Variants in FER observed in about 807,000 individuals in gnomAD.
The protein encoded by FER is tyrosine-protein kinase Fer.
FER carries 63 observed loss-of-function variants against 111.0 expected under a neutral mutation model. The observed-to-expected ratio is 0.57, with a 90% CI of 0.46 to 0.70. The LOEUF (loss-of-function observed/expected upper bound fraction) is 0.70. Ranked by LOEUF, FER falls within the 30% of genes least tolerant of loss-of-function variation. The pLI is 0.00. For synonymous variants in FER, 327 were observed against 313.9 expected (o/e 1.04, Z -0.44); for missense variants, 914 against 954.0 (o/e 0.96, Z 0.55).
At chr5:109,178,904 A>G (rs1275834812) in intron 17 of FER, among the ~76,000 whole-genome samples, 2 of 152,222 alleles carry the variant, frequency 1.3e-5, no homozygotes. Context: ...GAATTGCCAT[A>G]TTAATATTCA....
intron 3 of FER, among the ~76,000 whole-genome samples, chr5:108,819,531 T>G (rs918748401): frequency 1.3e-5 from 2 of 152,176 alleles, no homozygotes; most frequent in Admixed American, 1.3e-4. Context: ...GATGAAGGTA[T>G]TTTCTTCATA....
intron 17 of FER, among the ~76,000 whole-genome samples, chr5:109,108,916 C>G (rs1749272447): frequency 6.6e-6 from 1 of 151,950 alleles, no homozygotes; most frequent in Admixed American, 6.6e-5. Context: ...TTACTGGGTT[C>G]TTTGCCCAAT....
chr5:108,949,678 T>C (rs1561664706), intron 11 of FER, among the ~76,000 whole-genome samples: 1 of 152,140 alleles, frequency 6.6e-6, no homozygotes, highest in Non-Finnish European at 1.5e-5. Flanking sequence ...GATAAATGTT[T>C]ACATTTACTG....
At chr5:108,994,078 G>C (rs1283857851) in intron 13 of FER, among the ~76,000 whole-genome samples, 9 of 152,222 alleles carry the variant, frequency 5.9e-5, no homozygotes, top group Admixed American at 6.5e-5. Flanking sequence ...TAGGTCGTCT[G>C]TTCACTCTGA....
At chr5:109,150,752 A>G (rs17407717) in intron 17 of FER, among the ~76,000 whole-genome samples, 59,061 of 152,040 alleles carry the variant, frequency 0.39, 11,679 homozygotes, top group Non-Finnish European at 0.41. Flanking sequence ...TTACTGAGCC[A>G]TTATTGAAAA....
intron 5 of FER, among the ~76,000 whole-genome samples, chr5:108,844,496 T>C (rs565382188): frequency 6.6e-4 from 100 of 152,298 alleles, no homozygotes; most frequent in African/African-American, 2.3e-3. Context: ...TTTGATACAG[T>C]TAACATACAA....
intron 17 of FER, among the ~76,000 whole-genome samples, chr5:109,120,057 T>G (rs1232934896): frequency 6.6e-6 from 1 of 152,090 alleles, no homozygotes; most frequent in African/African-American, 2.4e-5. Context: ...AGCAAGTATT[T>G]TCTTCTGTAT....
chr5:108,794,057 C>T (rs966697618), intron 2 of FER, among the ~76,000 whole-genome samples: 1 of 152,008 alleles, frequency 6.6e-6, no homozygotes, highest in Non-Finnish European at 1.5e-5. Flanking sequence ...GAGTAGTTTA[C>T]ACACCACAAT....
At position 109,025,896 on chromosome 5, in the gene FER, C is replaced by T. The variant is rs564979141; in HGVS notation, c.1657-11526C>T. ...ATTTTTCTAGCTGGCTATTTTTAGC[C>T]ACTCAGTTGCCAGAACCTGAAAAGG... is the stretch of plus-strand genomic sequence containing the variant. On this transcript the variant is annotated intron_variant, in intron 13 of 19. Coordinates refer to ENST00000281092, the MANE Select transcript of FER (RefSeq NM_005246.4). Among the ~76,000 whole-genome samples the T allele has an allele frequency of 2.6e-4, 40 of 152,228 alleles. No individual in the cohort carries two copies. In the South Asian group the frequency reaches 7.7e-3, roughly 29 times the overall value.
At chr5:109,129,371 C>A (rs992972175) in intron 17 of FER, among the ~76,000 whole-genome samples, 8 of 151,946 alleles carry the variant, frequency 5.3e-5, no homozygotes, top group Non-Finnish European at 1.0e-4. Context: ...CTTTTCATAT[C>A]TATGTATACT....
chr5:108,857,098 A>G (rs559577444), intron 5 of FER, among the ~76,000 whole-genome samples: 4 of 152,218 alleles, frequency 2.6e-5, no homozygotes, highest in African/African-American at 9.6e-5. Context: ...CCAAATGTTC[A>G]CATTTTACCA....
chr5:108,794,239 C>T (rs111924886), intron 2 of FER, among the ~76,000 whole-genome samples: 34,318 of 145,372 alleles, frequency 0.24, 4,174 homozygotes, highest in African/African-American at 0.3. Context: ...TTTTTTGAGA[C>T]AGAGTTTCAC....
rs546338057 is a variant in FER at position 108,903,476 on chromosome 5, C to T, written c.1236+5628C>T. On this transcript the variant is annotated intron_variant, in intron 10 of 19. Transcript: ENST00000281092. ...GGTCAGGAGTTCGAGACCAGCCTGA[C>T]CAACATGGCAAAACCCTGTCTCTAC... Among the ~76,000 whole-genome samples the T allele has an allele frequency of 2.1e-4, 32 of 152,202 alleles. No homozygotes were observed. The South Asian group carries it at 3.7e-3, about 18-fold the overall frequency.
intron 2 of FER, among the ~76,000 whole-genome samples, chr5:108,785,867 T>G (rs1444992735): frequency 6.6e-6 from 1 of 152,248 alleles, no homozygotes; most frequent in African/African-American, 2.4e-5. Flanking sequence ...TGTGCTGTTC[T>G]TCTTGTTGTA....
intron 16 of FER, among the ~76,000 whole-genome samples, chr5:109,060,607 C>A (rs990183355): frequency 6.6e-6 from 1 of 151,882 alleles, no homozygotes; most frequent in African/African-American, 2.4e-5. Flanking sequence ...TTGCTTGAAC[C>A]CGGGAGGCGG....
intron 3 of FER, among the ~76,000 whole-genome samples, chr5:108,819,616 C>T (rs1758636576): frequency 6.6e-6 from 1 of 152,024 alleles, no homozygotes; most frequent in Non-Finnish European, 1.5e-5. Flanking sequence ...ATAAGTGAAG[C>T]CCCAGTATGT....
intron 16 of FER, among the ~76,000 whole-genome samples, chr5:109,067,227 T>TTTGTTG (rs111663056): frequency 0.16 from 23,761 of 150,016 alleles, 1,974 homozygotes; most frequent in Middle Eastern, 0.2. Context: ...GAGTGACTGG[T>TTTGTTG]TTGTTGTTGT....
At chr5:108,975,748 G>T (rs1477077113) in intron 13 of FER, among the ~76,000 whole-genome samples, 1 of 152,278 alleles carries the variant, frequency 6.6e-6, no homozygotes, top group South Asian at 2.1e-4. Context: ...ATTTGTGGGG[G>T]TGTTGATTGC....
intron 13 of FER, among the ~76,000 whole-genome samples, chr5:108,976,553 G>A (rs1761372575): frequency 6.6e-6 from 1 of 152,036 alleles, no homozygotes; most frequent in South Asian, 2.1e-4. Flanking sequence ...CCCCTGCATA[G>A]TCAAAAATCT....
Sources: gnomAD v4.1 joint callset for allele counts (sites outside exome capture counted in the v4.1 genomes callset) on GRCh38, gnomAD v4.1.1 for gene constraint, MANE v1.5 for transcripts, NCBI Gene and HGNC (gene_info 2026-07-23, HGNC 2026-07-21) for gene names.